The following RMDN2 variants were observed in gnomAD, a reference collection of about 807,000 sequenced individuals.
RMDN2 encodes the protein regulator of microtubule dynamics protein 2.
RMDN2 carries 61 observed loss-of-function variants against 52.8 expected under a neutral mutation model. That is an observed-to-expected ratio of 1.16 (90% CI 0.94 to 1.43). The LOEUF is 1.43. Among genes scored for constraint, RMDN2 ranks in the 40% most tolerant of loss-of-function variants. The probability of loss-of-function intolerance (pLI) is 0.00; values close to 1 mark genes in which losing one functional copy is unlikely to be tolerated. For synonymous variants in RMDN2, 180 were observed against 153.1 expected (o/e 1.18, Z -1.30); for missense variants, 592 against 475.3 (o/e 1.25, Z -2.28).
At chr2:38,056,968 G>A (rs904567957) in intron 10 of RMDN2, among the ~76,000 whole-genome samples, 4 of 152,120 alleles carry the variant, frequency 2.6e-5, no homozygotes, top group Non-Finnish European at 5.9e-5. Flanking sequence ...ACCTGTTTCT[G>A]CTTCCTAGTG....
At chr2:38,008,443 C>T (rs543135361) in intron 10 of RMDN2, among the ~76,000 whole-genome samples, 1 of 152,202 alleles carries the variant, frequency 6.6e-6, no homozygotes, top group Admixed American at 6.5e-5. Context: ...TTGAATTGAT[C>T]CCTTTACCAT....
At chr2:38,018,270 A>G (rs1013484785), downstream of RMDN2, among the ~76,000 whole-genome samples, 5 of 152,224 alleles carry the variant, frequency 3.3e-5, no homozygotes, top group African/African-American at 7.2e-5. Context: ...GAGCATTCTC[A>G]TACACGGTTA....
upstream of RMDN2, chr2:37,923,091 C>T (rs1322941605): frequency 1.3e-5 from 2 of 152,206 alleles, no homozygotes; most frequent in Non-Finnish European, 2.9e-5. Flanking sequence ...TCCTTTTAGA[C>T]TGACATTCCT....
At chr2:37,943,554 G>A (rs6750028) in intron 2 of RMDN2, among the ~76,000 whole-genome samples, 3,618 of 152,218 alleles carry the variant, frequency 0.024, 133 homozygotes, top group African/African-American at 0.082. Context: ...GTTGCTTTGC[G>A]TTATGTCTAA....
At chr2:37,966,105 A>G (rs956408603) in intron 2 of RMDN2, among the ~76,000 whole-genome samples, 1 of 151,392 alleles carries the variant, frequency 6.6e-6, no homozygotes, top group Admixed American at 6.6e-5. Flanking sequence ...TTTTGGGTTT[A>G]TCCCACTTGG....
chr2:37,982,714 G>A (rs996144353), intron 5 of RMDN2, among the ~76,000 whole-genome samples: 15 of 152,008 alleles, frequency 9.9e-5, no homozygotes, highest in Admixed American at 7.9e-4. Context: ...TAGGGAAAAA[G>A]GTAATTTTTC....
At chr2:37,991,640 GC>G (rs1449691852) in intron 7 of RMDN2, among the ~76,000 whole-genome samples, 1 of 151,518 alleles carries the variant, frequency 6.6e-6, no homozygotes, top group Non-Finnish European at 1.5e-5. Flanking sequence ...TCCCTTTGTG[GC>G]TGTCTCAGTT....
At chr2:38,065,294 A>G (rs1335555833) in intron 10 of RMDN2, among the ~76,000 whole-genome samples, 1 of 152,210 alleles carries the variant, frequency 6.6e-6, no homozygotes, top group Non-Finnish European at 1.5e-5. Context: ...GAACACGCAA[A>G]CAAAAAGTGC....
chr2:38,062,646 T>G lies in RMDN2; in HGVS notation c.1714-4336T>G, dbSNP rs531713458. 2.6e-5 allele frequency among the ~76,000 whole-genome samples: 4 copies of G among 152,234 alleles called. No individual in the cohort carries two copies. The East Asian group carries it at 5.8e-4, about 22-fold the overall frequency. ...TTTATTATTATTATACTTTAAGTTT[T>G]AGGGTACATGTGCACAATGTGCAGG... On this transcript the variant is annotated intron_variant, in intron 10 of 10. Transcript: ENST00000234195.
intron 8 of RMDN2, among the ~76,000 whole-genome samples, chr2:38,000,334 G>C (rs746282366): frequency 1.3e-5 from 2 of 152,190 alleles, no homozygotes; most frequent in African/African-American, 4.8e-5. Context: ...GAACCTCTGG[G>C]TATCTTGAAG....
chr2:38,002,868 C>G (rs1011392457), intron 8 of RMDN2: 1 of 152,210 alleles, frequency 6.6e-6, no homozygotes, highest in African/African-American at 2.4e-5. Context: ...GTTCTACCCC[C>G]CTCTAGGGTG....
intron 10 of RMDN2, among the ~76,000 whole-genome samples, chr2:38,047,011 T>G (rs1019838725): frequency 6.7e-6 from 1 of 150,034 alleles, no homozygotes; most frequent in Non-Finnish European, 1.5e-5. Flanking sequence ...GCCCAGAAGA[T>G]CAGAAGAAAA....
At chr2:37,978,395 A>T (rs1447823572) in intron 4 of RMDN2, among the ~76,000 whole-genome samples, 1 of 152,068 alleles carries the variant, frequency 6.6e-6, no homozygotes, top group Non-Finnish European at 1.5e-5. Context: ...CCTGGGTATT[A>T]TGTACTAAGG....
intron 2 of RMDN2, among the ~76,000 whole-genome samples, chr2:37,938,678 G>A (rs1667522794): frequency 6.6e-6 from 1 of 152,134 alleles, no homozygotes; most frequent in Non-Finnish European, 1.5e-5. Context: ...TAGTTTATTT[G>A]TGTAGAGGTG....
intron 2 of RMDN2, among the ~76,000 whole-genome samples, chr2:37,964,895 GTTTGCTTC>G (rs1670826781): frequency 6.6e-6 from 1 of 152,024 alleles, no homozygotes; most frequent in South Asian, 2.1e-4. Context: ...TTCTGTCAGT[GTTTGCTTC>G]ATATATTTAG....
Position 37,989,634 on chromosome 2 carries a change from T to C in RMDN2, c.867+18T>C. On this transcript the variant is annotated intron_variant, in intron 6 of 10. Coordinates refer to ENST00000354545, the MANE Select transcript of RMDN2 (RefSeq NM_001170791.3). ...TCTTCAAGGTATTTCTTTTTTTTTT[T>C]TCATATTTCTTTTCAGATCCAGACA... 6.6e-7 allele frequency: 1 copy of C among 1,526,138 alleles called. No homozygotes were observed. The highest frequency in any genetic ancestry group is 9.0e-7 in the Non-Finnish European group (1 of 1,111,662). 94.5% of individuals were successfully genotyped at this position (1,526,138 alleles called of 1,614,324 possible).
At chr2:37,958,173 T>A (rs1285445846) in intron 2 of RMDN2, among the ~76,000 whole-genome samples, 2 of 152,246 alleles carry the variant, frequency 1.3e-5, no homozygotes, top group Non-Finnish European at 2.9e-5. Flanking sequence ...TTTTTCTAAT[T>A]CTGTGAAGAA....
At chr2:38,051,805 C>G (rs369245960) in intron 10 of RMDN2, among the ~76,000 whole-genome samples, 1 of 152,202 alleles carries the variant, frequency 6.6e-6, no homozygotes, top group Non-Finnish European at 1.5e-5. Flanking sequence ...ACTGATTTCA[C>G]TCAACATAAT....
At chr2:37,951,403 G>C in intron 2 of RMDN2, 25 of 1,613,016 alleles carry the variant, frequency 1.5e-5, no homozygotes, top group Non-Finnish European at 2.1e-5. Flanking sequence ...GCAAGTAGAA[G>C]GTTATTATCT....
Sources: allele counts gnomAD v4.1 joint callset (sites outside exome capture counted in the v4.1 genomes callset), GRCh38; gene constraint gnomAD v4.1.1; transcripts MANE v1.5; gene names NCBI Gene and HGNC (gene_info 2026-07-23, HGNC 2026-07-21).